The following IGSF11 variants were observed in gnomAD, a reference collection of about 807,000 sequenced individuals.
The protein encoded by IGSF11 is immunoglobulin superfamily member 11.
IGSF11 carries 22 observed loss-of-function variants against 41.0 expected under a neutral mutation model. The observed-to-expected ratio is 0.54, with a 90% CI of 0.38 to 0.77. The LOEUF is 0.77. IGSF11 is among the 30% of genes least tolerant of loss of function. IGSF11 has a pLI of 0.00. For synonymous variants in IGSF11, 219 were observed against 201.3 expected, an observed-to-expected ratio of 1.09 and a Z score of -0.74; for missense variants, 444 against 530.8, an observed-to-expected ratio of 0.84 and a Z score of 1.61.
At chr3:119,096,327 A>G (rs1375083646) in intron 1 of IGSF11, among the ~76,000 whole-genome samples, 1 of 152,062 alleles carries the variant, frequency 6.6e-6, no homozygotes, top group African/African-American at 2.4e-5. Context: ...GAATATATAT[A>G]TACACACACA....
intron 1 of IGSF11, among the ~76,000 whole-genome samples, chr3:118,980,756 C>T (rs1462311680): frequency 1.3e-5 from 2 of 152,188 alleles, no homozygotes; most frequent in African/African-American, 4.8e-5. Context: ...AATCATTACA[C>T]ATCTATGCAT....
At chr3:119,007,604 A>G (rs1360406314) in intron 1 of IGSF11, among the ~76,000 whole-genome samples, 2 of 152,096 alleles carry the variant, frequency 1.3e-5, no homozygotes, top group Non-Finnish European at 2.9e-5. Flanking sequence ...ACCATCTCAG[A>G]GTATCCACTT....
intron 1 of IGSF11, among the ~76,000 whole-genome samples, chr3:119,050,427 A>G (rs1024816500): frequency 6.6e-6 from 1 of 152,252 alleles, no homozygotes; most frequent in African/African-American, 2.4e-5. Flanking sequence ...AGAGAAATGC[A>G]AATCAAAACC....
upstream of IGSF11, among the ~76,000 whole-genome samples, chr3:119,037,956 G>A (rs568135888): frequency 5.3e-5 from 8 of 152,256 alleles, 1 homozygote; most frequent in East Asian, 1.2e-3. Context: ...TCTATGGAGT[G>A]TTTTATAAGA....
At chr3:119,057,991 T>C (rs1423769444) in intron 1 of IGSF11, among the ~76,000 whole-genome samples, 5 of 152,216 alleles carry the variant, frequency 3.3e-5, no homozygotes, top group Non-Finnish European at 7.3e-5. Context: ...ATTAAAGACT[T>C]ACATGTTAGA....
intron 1 of IGSF11, among the ~76,000 whole-genome samples, chr3:119,113,551 G>A (rs1403472525): frequency 6.6e-6 from 1 of 152,192 alleles, no homozygotes; most frequent in Non-Finnish European, 1.5e-5. Flanking sequence ...CAACAGGTGG[G>A]CTCCCAAGGC....
chr3:118,951,693 C>G (rs962018675), intron 1 of IGSF11, among the ~76,000 whole-genome samples: 1 of 152,098 alleles, frequency 6.6e-6, no homozygotes, highest in Admixed American at 6.6e-5. Flanking sequence ...CCCCCAGACA[C>G]CAAAATCCCC....
chr3:119,060,839 C>T (rs969869584), intron 1 of IGSF11, among the ~76,000 whole-genome samples: 6 of 152,118 alleles, frequency 3.9e-5, no homozygotes, highest in Non-Finnish European at 7.4e-5. Context: ...AGATTTTAGC[C>T]TGTCTTTTGT....
intron 1 of IGSF11, among the ~76,000 whole-genome samples, chr3:118,989,724 G>A (rs2107649966): frequency 6.6e-6 from 1 of 152,194 alleles, no homozygotes; most frequent in South Asian, 2.1e-4. Flanking sequence ...GCTATCTTAT[G>A]TTTTTTACAC....
At chr3:119,137,004 C>T (rs987008779) in intron 1 of IGSF11, among the ~76,000 whole-genome samples, 7 of 151,690 alleles carry the variant, frequency 4.6e-5, no homozygotes, top group Admixed American at 2.6e-4. Flanking sequence ...AAATTATGTG[C>T]CTAGGAATTA....
chr3:119,021,990 G>A (rs1440135925), intron 1 of IGSF11, among the ~76,000 whole-genome samples: 4 of 152,120 alleles, frequency 2.6e-5, no homozygotes, highest in African/African-American at 9.7e-5. Context: ...GGAGTGGGAG[G>A]GGACATGGAC....
Position 118,972,952 on chromosome 3 carries a change from C to T in IGSF11, c.53-42677G>A, listed in dbSNP as rs566774427. On this transcript the variant is annotated intron_variant, in intron 1 of 6. Coordinates refer to ENST00000393775, the MANE Select transcript of IGSF11 (RefSeq NM_001015887.3). ...CCTGGGTAAATTCTAGACAAAGATG[C>T]ATGTACTGTGAAGGACATCAAAACC... Among the ~76,000 whole-genome samples the T allele has an allele frequency of 5.1e-4, 77 of 152,316 alleles. 1 individual carries two copies. Among genetic ancestry groups the T allele is most frequent in the African/African-American group, 1.8e-3 (74 of 41,580 alleles).
chr3:119,034,024 G>A (rs969007666), intron 1 of IGSF11, among the ~76,000 whole-genome samples: 1 of 152,230 alleles, frequency 6.6e-6, no homozygotes, highest in African/African-American at 2.4e-5. Context: ...TTCGATTGTA[G>A]TATAGCACAG....
chr3:118,973,927 A>G (rs868836923), intron 1 of IGSF11, among the ~76,000 whole-genome samples: 4 of 152,082 alleles, frequency 2.6e-5, no homozygotes, highest in South Asian at 2.1e-4. Flanking sequence ...CAGGGAGGGG[A>G]ACAACACACA....
intron 1 of IGSF11, among the ~76,000 whole-genome samples, chr3:119,128,510 T>C (rs181582371): frequency 1.3e-5 from 2 of 152,114 alleles, no homozygotes; most frequent in Admixed American, 6.5e-5. Context: ...AGAAGCATCT[T>C]ATGTGCAAAG....
At chr3:119,056,268 A>T (rs954720820) in intron 1 of IGSF11, among the ~76,000 whole-genome samples, 22 of 152,228 alleles carry the variant, frequency 1.4e-4, no homozygotes, top group African/African-American at 5.3e-4. Context: ...AATAGACGCA[A>T]TAAAAAAATG....
At chr3:118,990,075 T>C (rs567278879) in intron 1 of IGSF11, among the ~76,000 whole-genome samples, 1 of 152,292 alleles carries the variant, frequency 6.6e-6, no homozygotes, top group East Asian at 1.9e-4. Flanking sequence ...TGCAGAAAGT[T>C]AGGTTACAAA....
intron 1 of IGSF11, among the ~76,000 whole-genome samples, chr3:119,023,542 C>A (rs568535415): frequency 2.0e-5 from 3 of 152,130 alleles, no homozygotes; most frequent in East Asian, 3.9e-4. Flanking sequence ...CATGTACGCA[C>A]CCCCCACACC....
chr3:119,009,999 AATT>A (rs1181905672), intron 1 of IGSF11, among the ~76,000 whole-genome samples: 3 of 152,232 alleles, frequency 2.0e-5, no homozygotes, highest in Non-Finnish European at 2.9e-5. Flanking sequence ...AATTTAATAA[AATT>A]AATAATCAGA....
Sources: gnomAD v4.1 joint callset for allele counts (sites outside exome capture counted in the v4.1 genomes callset) on GRCh38, gnomAD v4.1.1 for gene constraint, MANE v1.5 for transcripts, NCBI Gene and HGNC (gene_info 2026-07-23, HGNC 2026-07-21) for gene names.